Variants in ZDHHC15 observed in about 807,000 individuals in gnomAD.
ZDHHC15 encodes the protein palmitoyltransferase ZDHHC15.
A neutral mutation model predicts 31.7 loss-of-function variants in ZDHHC15; 19 were observed. The ratio of observed to expected loss-of-function variants is 0.60; its 90% CI spans 0.42 to 0.88. ZDHHC15 has a LOEUF of 0.88. Ranked by LOEUF, ZDHHC15 falls within the 40% of genes least tolerant of loss-of-function variation. The pLI is 0.00. For synonymous variants in ZDHHC15, 103 were observed against 90.0 expected (o/e 1.14, Z -0.82); for missense variants, 209 against 251.2 (o/e 0.83, Z 1.14).
intron 10 of ZDHHC15, among the ~76,000 whole-genome samples, chrX:75,412,339 T>C (rs2083493565): frequency 8.9e-6 from 1 of 112,063 alleles, no homozygotes; most frequent in Admixed American, 9.5e-5. Context: ...TACCACAGAA[T>C]TATTCACCGT....
chrX:75,487,786 C>T (rs901873667), intron 2 of ZDHHC15, among the ~76,000 whole-genome samples: 2 of 110,980 alleles, frequency 1.8e-5, no homozygotes, highest in Admixed American at 9.6e-5. Flanking sequence ...AAAAACAACA[C>T]AAAATATAGA....
intron 8 of ZDHHC15, among the ~76,000 whole-genome samples, chrX:75,424,065 G>T (rs1299473963): frequency 9.0e-6 from 1 of 110,752 alleles, no homozygotes; most frequent in African/African-American, 3.3e-5. Flanking sequence ...CAGAAAATAT[G>T]TTCATTTATT....
intron 10 of ZDHHC15, among the ~76,000 whole-genome samples, chrX:75,392,309 C>G (rs960582090): frequency 1.8e-5 from 2 of 111,953 alleles, no homozygotes; most frequent in Non-Finnish European, 3.8e-5. Flanking sequence ...TCTCTTTTCA[C>G]ATTTTTCTGT....
chrX:75,461,536 G>T (rs1280677961), intron 3 of ZDHHC15, among the ~76,000 whole-genome samples: 1 of 111,512 alleles, frequency 9.0e-6, no homozygotes, highest in Non-Finnish European at 1.9e-5. Context: ...CAGAGCAAAA[G>T]GCCACATTAC....
intron 1 of ZDHHC15, among the ~76,000 whole-genome samples, chrX:75,520,609 T>C (rs984476128): frequency 1.8e-5 from 2 of 111,198 alleles, no homozygotes; most frequent in Admixed American, 1.9e-4. Context: ...CTAGGAGCAA[T>C]GTCCATACCA....
chrX:75,462,433 T>C (rs2084331697), intron 3 of ZDHHC15, among the ~76,000 whole-genome samples: 1 of 112,405 alleles, frequency 8.9e-6, no homozygotes, highest in South Asian at 3.6e-4. Context: ...ACCTGATAGA[T>C]ATCTACAGAA....
intron 2 of ZDHHC15, among the ~76,000 whole-genome samples, chrX:75,492,525 T>C (rs1028087261): frequency 1.8e-5 from 2 of 111,438 alleles, no homozygotes; most frequent in Non-Finnish European, 3.8e-5. Flanking sequence ...GACCACATAG[T>C]TGGAAGTAAA....
intron 10 of ZDHHC15, among the ~76,000 whole-genome samples, chrX:75,397,654 G>A (rs1381062012): frequency 1.8e-5 from 2 of 111,746 alleles, no homozygotes; most frequent in East Asian, 2.8e-4. Flanking sequence ...TGGCTCTCAT[G>A]AAGAGGAACA....
chrX:75,448,883 C>A (rs1049350248), intron 4 of ZDHHC15, among the ~76,000 whole-genome samples: 1 of 110,436 alleles, frequency 9.1e-6, no homozygotes, highest in Non-Finnish European at 1.9e-5. Flanking sequence ...GATTAGCATT[C>A]GAATCTAGAC....
At chrX:75,425,194 C>T (rs1249356547) in intron 7 of ZDHHC15, among the ~76,000 whole-genome samples, 1 of 108,639 alleles carries the variant, frequency 9.2e-6, no homozygotes, top group African/African-American at 3.3e-5. Flanking sequence ...TATAATGTTT[C>T]CTTGGGCATG....
At chrX:75,429,046 C>T in intron 7 of ZDHHC15, 32 bp downstream of exon 7, 1 of 1,202,723 alleles carries the variant, frequency 8.3e-7, no homozygotes, top group Non-Finnish European at 1.1e-6. Flanking sequence ...TGCATTTGTT[C>T]TAGGGGACCC....
At chrX:75,453,104 T>C (rs1214253922) in intron 3 of ZDHHC15, among the ~76,000 whole-genome samples, 1 of 111,594 alleles carries the variant, frequency 9.0e-6, no homozygotes, top group African/African-American at 3.3e-5. Context: ...AGCTGGTTTT[T>C]TTGAAAAGAT....
chrX:75,422,109 GC>G (rs2083652550), intron 8 of ZDHHC15, 119 bp from the exon 9 acceptor site: 1 of 911,827 alleles, frequency 1.1e-6, no homozygotes, highest in African/African-American at 2.0e-5. Flanking sequence ...ATATCTTTTT[GC>G]TGTGGTAGCA....
At chrX:75,407,510 CA>C (rs1486464856) in intron 10 of ZDHHC15, among the ~76,000 whole-genome samples, 24 of 108,807 alleles carry the variant, frequency 2.2e-4, no homozygotes, top group African/African-American at 8.0e-4. Context: ...AGGTGGGGGG[CA>C]GCCCCCGCCC....
intron 4 of ZDHHC15, among the ~76,000 whole-genome samples, chrX:75,440,267 T>C (rs1048332364): frequency 1.3e-4 from 8 of 63,406 alleles, no homozygotes; most frequent in African/African-American, 2.9e-4. Context: ...GTTCTTTTTT[T>C]CTTTTTTCTT....
chrX:75,418,123 G>C (rs1569319073), intron 9 of ZDHHC15, among the ~76,000 whole-genome samples: 1 of 111,863 alleles, frequency 8.9e-6, no homozygotes, highest in Non-Finnish European at 1.9e-5. Context: ...ATGTGAGTAT[G>C]TGAATAGGGT....
At chrX:75,393,461 A>G (rs1331697939) in intron 10 of ZDHHC15, among the ~76,000 whole-genome samples, 1 of 111,380 alleles carries the variant, frequency 9.0e-6, no homozygotes, top group East Asian at 2.8e-4. Context: ...GGTTCTCCAC[A>G]TAAGGTCAAA....
intron 3 of ZDHHC15, among the ~76,000 whole-genome samples, chrX:75,463,460 C>T (rs765491507): frequency 1.1e-3 from 123 of 110,882 alleles, no homozygotes; most frequent in African/African-American, 3.5e-3. Flanking sequence ...AAATTCTGCA[C>T]AGCAAAAGAA....
intron 3 of ZDHHC15, among the ~76,000 whole-genome samples, chrX:75,471,979 T>C (rs1463190523): frequency 9.0e-6 from 1 of 111,690 alleles, no homozygotes; most frequent in Admixed American, 9.5e-5. Context: ...GGTCATAAAG[T>C]CACCACGTGA....
Sources: gnomAD v4.1 joint callset for allele counts (sites outside exome capture counted in the v4.1 genomes callset) on GRCh38, gnomAD v4.1.1 for gene constraint, MANE v1.5 for transcripts, NCBI Gene and HGNC (gene_info 2026-07-23, HGNC 2026-07-21) for gene names.